Variants in FMO5 observed in about 807,000 individuals in gnomAD.
FMO5 encodes flavin-containing monooxygenase 5.
Under a neutral mutation model 43.6 loss-of-function variants are expected in FMO5, and 51 were observed. The ratio of observed to expected loss-of-function variants is 1.17; its 90% CI spans 0.93 to 1.48. FMO5 has a LOEUF of 1.48. FMO5 is among the 40% of genes most tolerant of loss of function. The pLI, the probability that FMO5 is intolerant of heterozygous loss-of-function variation, is 0.00. For missense variants in FMO5, 644 were observed against 643.0 expected (o/e 1.00, Z -0.02); for synonymous variants, 187 against 216.5 (o/e 0.86, Z 1.20).
downstream of FMO5, chr1:147,184,439 A>G: frequency 7.2e-7 from 1 of 1,394,300 alleles, no homozygotes; most frequent in Non-Finnish European, 9.3e-7. The surrounding 1 kb of genome is among the most constrained non-coding windows in gnomAD (Gnocchi z 4.4). Flanking sequence ...TTTTACTTAA[A>G]GTTCTTTTTC....
intron 4 of FMO5, 73 bp downstream of exon 4, chr1:147,213,235 A>G: frequency 2.4e-6 from 3 of 1,263,068 alleles, no homozygotes; most frequent in Non-Finnish European, 3.2e-6. Context: ...TACTCAGACC[A>G]CAATCCTCCC....
At position 147,186,503 on chromosome 1, in the gene FMO5, C is replaced by T; in HGVS notation, c.*397G>A. On this transcript the variant is annotated 3_prime_UTR_variant, in exon 9 of 9. Transcript: ENST00000254090. The stretch of plus-strand genomic sequence containing the variant: ...TGAGCTTCTAATAGAAAATCAAACC[C>T]TATCAGAAGAAGAGTTACGTGGAGT... 1 of 990,148 alleles carries T rather than the reference C, an allele frequency of 1.0e-6. No individual in the cohort carries two copies. Among genetic ancestry groups the T allele is most frequent in the East Asian group, 1.1e-4 (1 of 9,024 alleles). 61.3% of individuals were successfully genotyped at this position (990,148 alleles called of 1,614,324 possible).
chr1:147,223,810 C>G (rs140468224), intron 2 of FMO5: 1 of 286,216 alleles, frequency 3.5e-6, no homozygotes, highest in Non-Finnish European at 6.8e-6. Context: ...TTCACCCAGG[C>G]TTCGCACTGC....
intron 7 of FMO5, among the ~76,000 whole-genome samples, chr1:147,199,496 A>G (rs1253780845): frequency 6.6e-6 from 1 of 152,172 alleles, no homozygotes; most frequent in East Asian, 1.9e-4. Context: ...TTTCCCTAAG[A>G]TCCCATAATC....
At chr1:147,184,371 TA>T, downstream of FMO5, 1 of 1,082,720 alleles carries the variant, frequency 9.2e-7, no homozygotes, top group Non-Finnish European at 1.2e-6. This position sits in a 1 kb window ranked among gnomAD's most constrained non-coding sequence, Gnocchi z 4.4. Flanking sequence ...TCACAACTAA[TA>T]AACCAATATT....
chr1:147,224,845 C>G, intron 2 of FMO5, 50 bp downstream of exon 2: 1 of 1,566,852 alleles, frequency 6.4e-7, no homozygotes, highest in Non-Finnish European at 8.8e-7. Flanking sequence ...TCGTATGCAC[C>G]TAGTTGCAGG....
chr1:147,203,245 CT>C, intron 6 of FMO5: 1 of 1,215,804 alleles, frequency 8.2e-7, no homozygotes, highest in Non-Finnish European at 1.2e-6. Context: ...CAAATACAGC[CT>C]TCACCTACAG....
intron 6 of FMO5, among the ~76,000 whole-genome samples, chr1:147,205,803 C>T (rs1421334004): frequency 1.3e-5 from 2 of 151,936 alleles, no homozygotes; most frequent in Admixed American, 6.6e-5. Flanking sequence ...GACCTAAAAC[C>T]ATAAAAACCC....
At chr1:147,226,889 G>T (rs1553927993), upstream of FMO5, among the ~76,000 whole-genome samples, 1 of 151,328 alleles carries the variant, frequency 6.6e-6, no homozygotes, top group Admixed American at 6.6e-5. Context: ...CTGGAGTGCA[G>T]TGGTGCAATC....
At chr1:147,193,601 G>A (rs1165442174) in intron 7 of FMO5, among the ~76,000 whole-genome samples, 2 of 151,846 alleles carry the variant, frequency 1.3e-5, no homozygotes, top group African/African-American at 4.8e-5. Context: ...GTGATGTTAG[G>A]GTGTCAATTT....
At chr1:147,185,342 T>G (rs1655526136), downstream of FMO5, among the ~76,000 whole-genome samples, 1 of 150,954 alleles carries the variant, frequency 6.6e-6, no homozygotes, top group South Asian at 2.1e-4. Context: ...AAAGAGAAAT[T>G]TATATGTTAA....
chr1:147,215,880 C>A lies in FMO5; in HGVS notation c.198G>T (p.Glu66Asp). The change falls in exon 3 of 9, where the codon GAG becomes GAT. Residue 66 changes from glutamate to aspartate, a missense_variant. By Grantham distance (45) the Glu-to-Asp change is conservative. Coordinates refer to ENST00000254090, the MANE Select transcript of FMO5 (RefSeq NM_001461.4). The part of the protein sequence containing the change: ...YKSVIINTSK[E>D]MMCFSDYPIP... ...TTGGATAGTCACTGAAGCACATCAT[C>A]TCTTTAGAAGTATTGATGATCACTG... The A allele has an allele frequency of 6.2e-7, 1 of 1,613,612 alleles. No individual in the cohort carries two copies. Among genetic ancestry groups the A allele is most frequent in the East Asian group, 2.2e-5 (1 of 44,874 alleles).
chr1:147,226,475 A>G (rs1663991111), upstream of FMO5, among the ~76,000 whole-genome samples: 1 of 152,082 alleles, frequency 6.6e-6, no homozygotes, highest in African/African-American at 2.4e-5. Flanking sequence ...TTATATTAGT[A>G]ACCAAAAATA....
intron 6 of FMO5, chr1:147,204,185 A>G: frequency 1.5e-6 from 2 of 1,358,608 alleles, no homozygotes; most frequent in East Asian, 4.6e-5. Context: ...AGTTTCTGTT[A>G]TCATGCCATC....
At chr1:147,198,850 C>CAAA (rs151035141) in intron 7 of FMO5, among the ~76,000 whole-genome samples, 85 of 51,668 alleles carry the variant, frequency 1.6e-3, no homozygotes, top group East Asian at 2.3e-3. Context: ...GACTGCATCT[C>CAAA]AAAAAAAAAA....
At chr1:147,219,664 A>G (rs1662647225) in intron 2 of FMO5, among the ~76,000 whole-genome samples, 2 of 151,996 alleles carry the variant, frequency 1.3e-5, no homozygotes, top group Non-Finnish European at 1.5e-5. Flanking sequence ...AGTAAAGGAT[A>G]TTCGGATTGG....
At chr1:147,214,743 T>C (rs1327576136) in intron 3 of FMO5, 1 of 151,978 alleles carries the variant, frequency 6.6e-6, no homozygotes, top group Non-Finnish European at 1.5e-5. Flanking sequence ...TTTGTCCCCA[T>C]GTAACTCTCT....
chr1:147,194,635 G>T (rs1265563534), intron 7 of FMO5, among the ~76,000 whole-genome samples: 4 of 152,142 alleles, frequency 2.6e-5, no homozygotes, highest in African/African-American at 9.7e-5. Context: ...TGTTTTTGCA[G>T]TGGCTGGTAC....
chr1:147,194,729 C>T (rs587661077), intron 7 of FMO5, among the ~76,000 whole-genome samples: 46 of 151,978 alleles, frequency 3.0e-4, no homozygotes, highest in Middle Eastern at 3.4e-3. Context: ...TCAGCATTTG[C>T]TTGTCTGTAA....
Sources: allele counts gnomAD v4.1 joint callset (sites outside exome capture counted in the v4.1 genomes callset), GRCh38; gene constraint gnomAD v4.1.1; non-coding constraint Gnocchi (gnomAD v3.1); transcripts MANE v1.5; gene names NCBI Gene and HGNC (gene_info 2026-07-23, HGNC 2026-07-21).